The following EXT2 variants were observed in gnomAD, a reference collection of about 807,000 sequenced individuals.
EXT2 encodes exostosin glycosyltransferase 2, also known as exostosin-2.
In EXT2, 53 loss-of-function variants were observed where a neutral mutation model predicts 81.6. The observed-to-expected ratio is 0.65, with a 90% CI of 0.52 to 0.82. The LOEUF (loss-of-function observed/expected upper bound fraction) is 0.82. EXT2 is among the 40% of genes least tolerant of loss of function. The pLI is 0.00. For missense variants in EXT2, 774 were observed against 910.2 expected, an observed-to-expected ratio of 0.85 and a Z score of 1.93; for synonymous variants, 320 against 340.0, an observed-to-expected ratio of 0.94 and a Z score of 0.65.
intron 4 of EXT2, among the ~76,000 whole-genome samples, chr11:44,114,995 AG>A (rs1422276261): frequency 6.6e-6 from 1 of 152,084 alleles, no homozygotes; most frequent in Non-Finnish European, 1.5e-5. Context: ...CTTGTGCCTT[AG>A]GTTTCAGCTT....
At chr11:44,239,343 G>A (rs2135273830) in intron 13 of EXT2, among the ~76,000 whole-genome samples, 1 of 150,868 alleles carries the variant, frequency 6.6e-6, no homozygotes, top group Non-Finnish European at 1.5e-5. Flanking sequence ...CAGGGGTGAA[G>A]TTGGAGAATA....
chr11:44,221,060 A>G (rs957753009), intron 10 of EXT2, among the ~76,000 whole-genome samples: 3 of 152,228 alleles, frequency 2.0e-5, no homozygotes, highest in South Asian at 2.1e-4. Flanking sequence ...ATTTGTTTAT[A>G]TAGCCATTAA....
At chr11:44,194,790 T>A (rs972241844) in intron 8 of EXT2, among the ~76,000 whole-genome samples, 2 of 152,226 alleles carry the variant, frequency 1.3e-5, no homozygotes, top group African/African-American at 4.8e-5. Context: ...TACACTTTTT[T>A]AAAGGAATCT....
chr11:44,205,453 G>A (rs1955570886), intron 9 of EXT2, among the ~76,000 whole-genome samples: 1 of 152,172 alleles, frequency 6.6e-6, no homozygotes. Context: ...TGGCCTATAG[G>A]GTTATTTCTT....
intron 4 of EXT2, among the ~76,000 whole-genome samples, chr11:44,119,154 A>ATG (rs1954274236): frequency 2.6e-4 from 12 of 45,996 alleles, no homozygotes; most frequent in East Asian, 1.6e-3. Flanking sequence ...ATATATATAT[A>ATG]TATATATATA....
chr11:44,129,465 C>T lies in EXT2; in HGVS notation c.1080-580C>T, dbSNP rs77267650. ...CTGTTCCTGGAACTTGCCCACCATACTGCTTCTTCAGGGCTGTTTGCTTGT... is the reference window on the plus strand; with the variant it reads ...CTGTTCCTGGAACTTGCCCACCATATTGCTTCTTCAGGGCTGTTTGCTTGT... On this transcript the variant is annotated intron_variant, in intron 6 of 13. Coordinates refer to ENST00000533608, the MANE Select transcript of EXT2 (RefSeq NM_207122.2). Among the ~76,000 whole-genome samples the T allele has an allele frequency of 5.1e-3, 779 of 152,344 alleles. 7 individuals are homozygous for T. Among genetic ancestry groups the T allele is most frequent in the African/African-American group, 0.018 (735 of 41,580 alleles).
At chr11:44,161,653 A>G (rs571130620) in intron 7 of EXT2, among the ~76,000 whole-genome samples, 6 of 152,356 alleles carry the variant, frequency 3.9e-5, no homozygotes, top group Admixed American at 3.9e-4. Flanking sequence ...TGGACTGAAC[A>G]TAGTGACTTG....
chr11:44,114,669 A>T (rs1954196686), intron 4 of EXT2, among the ~76,000 whole-genome samples: 1 of 152,128 alleles, frequency 6.6e-6, no homozygotes, highest in Admixed American at 6.5e-5. Context: ...GGTTACTGTC[A>T]TCTCTCCATT....
chr11:44,111,247 T>C (rs1415245379), intron 3 of EXT2, among the ~76,000 whole-genome samples: 1 of 152,070 alleles, frequency 6.6e-6, no homozygotes, highest in African/African-American at 2.4e-5. Context: ...TATTTCTCTT[T>C]CAATTAAAAA....
In EXT2 at chr11:44,244,314, G is replaced by A. The variant is rs371927874; in HGVS notation, c.*27G>A. On this transcript the variant is annotated 3_prime_UTR_variant, in exon 14 of 14. Transcript: ENST00000533608. ...ACGTGTCATTGGTGGAGGTCTGAAT[G>A]TGAGGCTGGGACAGAGGGAGAGAAC... 3.1e-6 allele frequency: 5 copies of A among 1,613,452 alleles called. No homozygotes were observed. The highest frequency in any genetic ancestry group is 4.2e-6 in the Non-Finnish European group (5 of 1,179,536).
intron 7 of EXT2, among the ~76,000 whole-genome samples, chr11:44,154,012 G>T (rs1264466968): frequency 6.6e-6 from 1 of 151,114 alleles, no homozygotes; most frequent in African/African-American, 2.4e-5. Flanking sequence ...AATTTTATGG[G>T]TACATAGTAG....
chr11:44,227,375 G>A (rs1261960855), intron 10 of EXT2, among the ~76,000 whole-genome samples: 1 of 152,232 alleles, frequency 6.6e-6, no homozygotes, highest in Non-Finnish European at 1.5e-5. Context: ...TGGTGGGTTA[G>A]TTCCCTGGGA....
intron 3 of EXT2, among the ~76,000 whole-genome samples, 181 bp downstream of exon 3, chr11:44,109,464 T>G (rs1478545445): frequency 6.6e-6 from 1 of 152,214 alleles, no homozygotes; most frequent in Non-Finnish European, 1.5e-5. Context: ...GGAAAACCAG[T>G]TAGGGCTTAT....
intron 7 of EXT2, among the ~76,000 whole-genome samples, chr11:44,170,686 CAATT>C (rs1955058417): frequency 6.6e-6 from 1 of 152,090 alleles, no homozygotes; most frequent in African/African-American, 2.4e-5. Context: ...ATAAATTTAA[CAATT>C]AGTTGGAATG....
At chr11:44,153,508 T>C (rs371115752) in intron 7 of EXT2, among the ~76,000 whole-genome samples, 1 of 152,164 alleles carries the variant, frequency 6.6e-6, no homozygotes. Context: ...CCTTGTATTT[T>C]TTTTTTCTTG....
In EXT2 at chr11:44,129,449, G is replaced by A. The variant is rs1178472767; in HGVS notation, c.1080-596G>A. On this transcript the variant is annotated intron_variant, in intron 6 of 13. Coordinates refer to ENST00000533608, the MANE Select transcript of EXT2 (RefSeq NM_207122.2). ...CACAATAGCCTCCTTGCTGTTCCTG[G>A]AACTTGCCCACCATACTGCTTCTTC... is the stretch of plus-strand genomic sequence containing the variant. 2.0e-5 allele frequency among the ~76,000 whole-genome samples: 3 copies of A among 152,104 alleles called. No homozygotes were observed. The East Asian group carries it at 5.8e-4, about 29-fold the overall frequency.
At chr11:44,163,408 A>G (rs1954952965) in intron 7 of EXT2, among the ~76,000 whole-genome samples, 1 of 152,226 alleles carries the variant, frequency 6.6e-6, no homozygotes, top group Admixed American at 6.5e-5. Context: ...GAGGTTGTCC[A>G]AGAAGGACAC....
At chr11:44,211,941 C>T (rs1205767648) in intron 10 of EXT2, among the ~76,000 whole-genome samples, 1 of 151,986 alleles carries the variant, frequency 6.6e-6, no homozygotes, top group Non-Finnish European at 1.5e-5. Context: ...TAGGATTAAA[C>T]AGAGGGGGAA....
intron 9 of EXT2, among the ~76,000 whole-genome samples, chr11:44,204,899 G>C (rs1955564656): frequency 1.3e-5 from 2 of 152,106 alleles, no homozygotes; most frequent in Admixed American, 6.6e-5. Flanking sequence ...AAGGATTTGG[G>C]AATGGTAGAT....
Sources: gnomAD v4.1 joint callset for allele counts (sites outside exome capture counted in the v4.1 genomes callset) on GRCh38, gnomAD v4.1.1 for gene constraint, MANE v1.5 for transcripts, NCBI Gene and HGNC (gene_info 2026-07-23, HGNC 2026-07-21) for gene names.